Variants in SGCD observed in about 807,000 individuals in gnomAD.
SGCD encodes the protein delta-sarcoglycan.
In SGCD, 18 loss-of-function variants were observed where a neutral mutation model predicts 36.6. That is an observed-to-expected ratio of 0.49 (90% CI 0.34 to 0.73). The LOEUF (loss-of-function observed/expected upper bound fraction) is 0.73, where lower values mean the gene tolerates loss of function less well. SGCD is among the 30% of genes least tolerant of loss of function. The pLI is 0.01. For missense variants in SGCD, 387 were observed against 346.7 expected, an observed-to-expected ratio of 1.12 and a Z score of -0.92; for synonymous variants, 133 against 130.6, an observed-to-expected ratio of 1.02 and a Z score of -0.12.
intron 4 of SGCD, among the ~76,000 whole-genome samples, chr5:156,562,547 T>A (rs1159119721): frequency 1.3e-5 from 2 of 152,150 alleles, no homozygotes; most frequent in East Asian, 1.9e-4. Context: ...CAAACGCAAT[T>A]GTGAAGGTGT....
chr5:156,085,803 G>C (rs1004784980), intron 1 of SGCD, among the ~76,000 whole-genome samples: 1 of 152,110 alleles, frequency 6.6e-6, no homozygotes, highest in Non-Finnish European at 1.5e-5. Context: ...AGGTGATCCA[G>C]GGTTTCTTTA....
At chr5:155,861,894 C>G in the SGCD span, among the ~76,000 whole-genome samples, 1 of 152,152 alleles carries the variant, frequency 6.6e-6, no homozygotes, top group Non-Finnish European at 1.5e-5. Context: ...CACTTTCTGC[C>G]AGCCATCTTG....
At chr5:156,105,359 T>C (rs1053774446) in intron 1 of SGCD, among the ~76,000 whole-genome samples, 8 of 152,192 alleles carry the variant, frequency 5.3e-5, no homozygotes, top group African/African-American at 1.9e-4. Flanking sequence ...AGTGAACAAA[T>C]TGTTTTTAAT....
chr5:156,292,419 A>G (rs1766781802), intron 3 of SGCD, among the ~76,000 whole-genome samples: 1 of 152,136 alleles, frequency 6.6e-6, no homozygotes, highest in Non-Finnish European at 1.5e-5. Flanking sequence ...CTCAAGGTTT[A>G]TTCAAGTTGT....
intron 3 of SGCD, among the ~76,000 whole-genome samples, chr5:156,192,377 G>C (rs76645285): frequency 0.022 from 3,285 of 152,222 alleles, 62 homozygotes; most frequent in Non-Finnish European, 0.028. Context: ...GGTACAGAAA[G>C]ACAAATATCA....
chr5:156,453,041 A>G (rs1248650075), intron 3 of SGCD, among the ~76,000 whole-genome samples: 1 of 152,164 alleles, frequency 6.6e-6, no homozygotes, highest in African/African-American at 2.4e-5. Context: ...ATAATATTTG[A>G]TTCAGTTTTG....
chr5:156,444,100 CTCTCTCTCTCTCT>C (rs1471043440), intron 3 of SGCD, among the ~76,000 whole-genome samples: 2,301 of 119,442 alleles, frequency 0.019, 175 homozygotes, highest in East Asian at 0.13. Flanking sequence ...CTCTCTCTCT[CTCTCTCTCTCTCT>C]CTCCCCTTCC....
At chr5:155,821,651 C>T in the SGCD span, among the ~76,000 whole-genome samples, 2 of 152,132 alleles carry the variant, frequency 1.3e-5, no homozygotes, top group South Asian at 2.1e-4. Flanking sequence ...AGAACCTACA[C>T]GTCCATCCAT....
intron 4 of SGCD, among the ~76,000 whole-genome samples, chr5:156,521,768 A>C (rs535438636): frequency 2.6e-5 from 4 of 152,210 alleles, no homozygotes; most frequent in Non-Finnish European, 5.9e-5. Context: ...TAGTTTAACC[A>C]TTGTGAAAGA....
chr5:156,427,069 G>C (rs1773704276), intron 3 of SGCD, among the ~76,000 whole-genome samples: 2 of 151,872 alleles, frequency 1.3e-5, no homozygotes, highest in Admixed American at 6.6e-5. Context: ...CTTTTTTCTG[G>C]TTCTGTGAAG....
intron 1 of SGCD, among the ~76,000 whole-genome samples, chr5:156,328,337 G>T (rs556801088): frequency 4.6e-5 from 7 of 152,318 alleles, no homozygotes; most frequent in East Asian, 3.9e-4. Flanking sequence ...GACAACATTG[G>T]TTTTTTCCGA....
chr5:155,728,332 G>A, the SGCD span, among the ~76,000 whole-genome samples: 3 of 152,208 alleles, frequency 2.0e-5, no homozygotes, highest in Non-Finnish European at 4.4e-5. Flanking sequence ...TGGAGCCGGA[G>A]TCGGAGCCGG....
intron 1 of SGCD, among the ~76,000 whole-genome samples, chr5:156,089,100 A>C (rs1038694385): frequency 6.6e-6 from 1 of 152,226 alleles, no homozygotes; most frequent in African/African-American, 2.4e-5. Context: ...ATTGCCACAT[A>C]GTAATGTCTG....
intron 4 of SGCD, among the ~76,000 whole-genome samples, chr5:156,517,155 T>G (rs971610780): frequency 2.0e-5 from 3 of 152,138 alleles, no homozygotes; most frequent in Non-Finnish European, 4.4e-5. Context: ...ATAATTGACC[T>G]GATGGAGCTG....
At chr5:156,025,552 C>T (rs1396161227) in intron 1 of SGCD, among the ~76,000 whole-genome samples, 2 of 152,146 alleles carry the variant, frequency 1.3e-5, no homozygotes, top group African/African-American at 2.4e-5. Flanking sequence ...TTCATTTGCT[C>T]ATAGCACTTT....
At chr5:156,338,639 A>G (rs189130028) in intron 2 of SGCD, among the ~76,000 whole-genome samples, 4 of 152,260 alleles carry the variant, frequency 2.6e-5, no homozygotes, top group Admixed American at 6.5e-5. Context: ...TAGATGGACA[A>G]TGGCTAGGTC....
chr5:156,430,164 G>T (rs1249548158), intron 3 of SGCD, among the ~76,000 whole-genome samples: 1 of 151,980 alleles, frequency 6.6e-6, no homozygotes, highest in Non-Finnish European at 1.5e-5. Context: ...TCTTAGGTTT[G>T]GCCATTTTAC....
At chr5:156,615,429 T>C (rs956944306) in intron 6 of SGCD, among the ~76,000 whole-genome samples, 2 of 152,232 alleles carry the variant, frequency 1.3e-5, no homozygotes, top group African/African-American at 2.4e-5. Context: ...AGTACAAAGC[T>C]ATTTAAATTA....
intron 3 of SGCD, among the ~76,000 whole-genome samples, chr5:156,197,493 A>C (rs1764049979): frequency 1.1e-5 from 1 of 90,778 alleles, no homozygotes; most frequent in Non-Finnish European, 2.4e-5. Flanking sequence ...TTTTTGGCTA[A>C]ACAGCTTGGC....
Sources: allele counts gnomAD v4.1 joint callset (sites outside exome capture counted in the v4.1 genomes callset), GRCh38; gene constraint gnomAD v4.1.1; transcripts MANE v1.5; gene names NCBI Gene and HGNC (gene_info 2026-07-23, HGNC 2026-07-21).